Variants in GIPC2 observed in about 807,000 individuals in gnomAD.
The protein encoded by GIPC2 is GIPC PDZ domain containing family member 2, also known as PDZ domain-containing protein GIPC2.
A neutral mutation model predicts 30.6 loss-of-function variants in GIPC2; 30 were observed. The ratio of observed to expected loss-of-function variants is 0.98; its 90% CI spans 0.73 to 1.33. The LOEUF (loss-of-function observed/expected upper bound fraction) is 1.33. Among genes scored for constraint, GIPC2 ranks in the 40% most tolerant of loss-of-function variants. The probability of loss-of-function intolerance (pLI) is 0.00; values close to 1 mark genes in which losing one functional copy is unlikely to be tolerated. For missense variants in GIPC2, 414 were observed against 390.3 expected (o/e 1.06, Z -0.51); for synonymous variants, 167 against 150.0 (o/e 1.11, Z -0.83).
At chr1:78,117,366 A>G (rs1662588398) in intron 3 of GIPC2, among the ~76,000 whole-genome samples, 1 of 152,212 alleles carries the variant, frequency 6.6e-6, no homozygotes. Context: ...GGGGTCCCCA[A>G]CCTTTTTGGC....
At chr1:78,103,019 A>T (rs1662276645) in intron 3 of GIPC2, among the ~76,000 whole-genome samples, 1 of 152,218 alleles carries the variant, frequency 6.6e-6, no homozygotes. Context: ...AGGACTTTCT[A>T]AGTAGGAAAT....
chr1:78,110,150 C>A (rs919506309), intron 3 of GIPC2, among the ~76,000 whole-genome samples: 3 of 151,186 alleles, frequency 2.0e-5, no homozygotes, highest in East Asian at 1.9e-4. Context: ...CTAACCTGCA[C>A]GTTGTGCACA....
At chr1:78,065,653 A>G (rs1661492200) in intron 1 of GIPC2, among the ~76,000 whole-genome samples, 1 of 152,216 alleles carries the variant, frequency 6.6e-6, no homozygotes, top group South Asian at 2.1e-4. Flanking sequence ...AAAATATACT[A>G]TAGGGCTATA....
At chr1:78,083,811 C>T (rs975778351) in intron 2 of GIPC2, among the ~76,000 whole-genome samples, 1 of 152,184 alleles carries the variant, frequency 6.6e-6, no homozygotes, top group Non-Finnish European at 1.5e-5. Flanking sequence ...AAGTGGGCCC[C>T]CATGTCCTTT....
At chr1:78,071,607 T>C (rs1351659277) in intron 1 of GIPC2, among the ~76,000 whole-genome samples, 1 of 151,912 alleles carries the variant, frequency 6.6e-6, no homozygotes, top group Admixed American at 6.6e-5. Flanking sequence ...TCTTCTTTTT[T>C]TTTTTCTTTA....
At chr1:78,091,774 G>A (rs1041933116) in intron 2 of GIPC2, 1 of 776,358 alleles carries the variant, frequency 1.3e-6, no homozygotes, top group East Asian at 2.4e-5. Context: ...CACAGAAGAG[G>A]GAGGATACTG....
chr1:78,065,203 G>A (rs1661481924), intron 1 of GIPC2, among the ~76,000 whole-genome samples: 4 of 152,132 alleles, frequency 2.6e-5, no homozygotes, highest in African/African-American at 7.2e-5. Flanking sequence ...TTACAGGACT[G>A]TAATTAAAAG....
intron 1 of GIPC2, among the ~76,000 whole-genome samples, chr1:78,052,626 ATG>A (rs891309876): frequency 6.6e-6 from 1 of 152,214 alleles, no homozygotes; most frequent in Non-Finnish European, 1.5e-5. Flanking sequence ...TTGAAAATAA[ATG>A]TATATATTTA....
At chr1:78,125,676 G>A (rs1009089298) in intron 4 of GIPC2, among the ~76,000 whole-genome samples, 2 of 151,854 alleles carry the variant, frequency 1.3e-5, no homozygotes, top group Admixed American at 1.3e-4. Context: ...TTTTGAATCC[G>A]TAACACTTAG....
chr1:78,109,078 A>G (rs186675897), intron 3 of GIPC2, among the ~76,000 whole-genome samples: 3 of 152,290 alleles, frequency 2.0e-5, no homozygotes, highest in East Asian at 3.9e-4. Context: ...AGGTATCATC[A>G]TATTAAGGTT....
rs1423274403 is a variant in GIPC2 at position 78,106,668 on chromosome 1, G to T, written c.607+11536G>T. The stretch of plus-strand genomic sequence containing the variant: ...GTGTAGAAGAAAAATACCTTACAGT[G>T]GATTTTTAATTTTATTTATTTATTT... On this transcript the variant is annotated intron_variant, in intron 3 of 5. Transcript: ENST00000370759. Among the ~76,000 whole-genome samples, 3 of 152,230 alleles carry T rather than the reference G, an allele frequency of 2.0e-5. No homozygotes were observed. In the East Asian group the frequency reaches 5.8e-4, roughly 29 times the overall value.
intron 4 of GIPC2, among the ~76,000 whole-genome samples, chr1:78,125,281 C>T (rs1662761623): frequency 6.6e-6 from 1 of 152,172 alleles, no homozygotes; most frequent in South Asian, 2.1e-4. Context: ...TTCAAGTGAT[C>T]CTCCTGTTTC....
chr1:78,112,725 G>T (rs949794705), intron 3 of GIPC2, among the ~76,000 whole-genome samples: 1 of 152,218 alleles, frequency 6.6e-6, no homozygotes, highest in Non-Finnish European at 1.5e-5. Context: ...GGCACAGGCT[G>T]TTGGGAGGAA....
chr1:78,129,032 G>GA (rs59465363), intron 5 of GIPC2, among the ~76,000 whole-genome samples: 32,462 of 107,318 alleles, frequency 0.3, 3,971 homozygotes, highest in East Asian at 0.64. Context: ...ATAAATAAAT[G>GA]AAAAAAAAAA....
chr1:78,080,580 TGAG>T (rs1661806617), intron 1 of GIPC2, 92 bp from the exon 2 acceptor site: 1 of 683,894 alleles, frequency 1.5e-6, no homozygotes, highest in South Asian at 2.2e-5. Context: ...CATCATAAAT[TGAG>T]GAGTATTTCA....
chr1:78,046,012 G>A lies in GIPC2; in HGVS notation c.-83G>A. 5.0e-6 allele frequency: 7 copies of A among 1,395,474 alleles called. No individual in the cohort carries two copies. Among genetic ancestry groups the A allele is most frequent in the Non-Finnish European group, 6.5e-6 (7 of 1,077,696 alleles). 86.4% of individuals were successfully genotyped at this position (1,395,474 alleles called of 1,614,324 possible). A position where few individuals can be genotyped will look rare whatever the true frequency, so the allele number is the denominator to read the frequency against. On this transcript the variant is annotated 5_prime_UTR_variant, in exon 1 of 6. Coordinates refer to ENST00000370759, the MANE Select transcript of GIPC2 (RefSeq NM_017655.6). ...TGGAGGCTGCTTTTACCTGCGCGGG[G>A]CCCGGGGCGCAAAGTCCGAGGCGCC...
chr1:78,050,721 G>A (rs1056888465), intron 1 of GIPC2, among the ~76,000 whole-genome samples: 1 of 150,676 alleles, frequency 6.6e-6, no homozygotes, highest in East Asian at 2.0e-4. Context: ...TACAAGCTCC[G>A]CCTCCTGGGT....
chr1:78,105,635 A>G (rs1201577096), intron 3 of GIPC2, among the ~76,000 whole-genome samples: 3 of 152,160 alleles, frequency 2.0e-5, no homozygotes, highest in Non-Finnish European at 4.4e-5. Flanking sequence ...ACAACCATGA[A>G]TAGGAGGTAC....
chr1:78,112,969 A>G (rs1286913359), intron 3 of GIPC2, among the ~76,000 whole-genome samples: 2 of 152,228 alleles, frequency 1.3e-5, no homozygotes, highest in Non-Finnish European at 2.9e-5. Context: ...CACCACTAGC[A>G]GCATATGCAT....
Sources: gnomAD v4.1 joint callset for allele counts (sites outside exome capture counted in the v4.1 genomes callset) on GRCh38, gnomAD v4.1.1 for gene constraint, MANE v1.5 for transcripts, NCBI Gene and HGNC (gene_info 2026-07-23, HGNC 2026-07-21) for gene names.